PACRG: variants seen among roughly 807,000 people sequenced by gnomAD.
The protein encoded by PACRG is parkin coregulated gene protein.
PACRG carries 29 observed loss-of-function variants against 29.7 expected under a neutral mutation model. That is an observed-to-expected ratio of 0.98 (90% confidence interval 0.73 to 1.33). PACRG has a LOEUF of 1.33. Ranked by LOEUF, PACRG falls within the 40% of genes most tolerant of loss-of-function variation. PACRG has a pLI of 0.00. For missense variants in PACRG, 279 were observed against 316.2 expected, an observed-to-expected ratio of 0.88 and a Z score of 0.89; for synonymous variants, 116 against 118.7, an observed-to-expected ratio of 0.98 and a Z score of 0.15.
intron 2 of PACRG, among the ~76,000 whole-genome samples, chr6:163,000,490 A>T (rs1207719549): frequency 6.6e-6 from 1 of 152,020 alleles, no homozygotes; most frequent in African/African-American, 2.4e-5. Context: ...AACAGAAGAG[A>T]GTGTGGTGGC....
rs114465349 is a variant in PACRG, at chr6:162,864,622, C to T, written c.291+50341C>T. ...CCTTTTGTTCTAGCCCTTGCTTTCACGTTTAAATGAACTCTCAGTGTTGTA... is the reference window on the plus strand; with the variant it reads ...CCTTTTGTTCTAGCCCTTGCTTTCATGTTTAAATGAACTCTCAGTGTTGTA... On this transcript the variant is annotated intron_variant, in intron 2 of 4. Coordinates refer to ENST00000366888, the MANE Select transcript of PACRG (RefSeq NM_001080379.2). Among the ~76,000 whole-genome samples the T allele has an allele frequency of 9.0e-3, 1,368 of 152,252 alleles. 21 individuals are homozygous for T. Among genetic ancestry groups the T allele is most frequent in the African/African-American group, 0.031 (1,299 of 41,556 alleles).
intron 4 of PACRG, among the ~76,000 whole-genome samples, chr6:163,164,883 G>A (rs1287797468): frequency 6.6e-6 from 1 of 152,216 alleles, no homozygotes; most frequent in Non-Finnish European, 1.5e-5. Flanking sequence ...CAGAGCTCCT[G>A]TGGTGATTTG....
At chr6:162,740,211 A>G (rs1035881289) in intron 1 of PACRG, among the ~76,000 whole-genome samples, 4 of 152,084 alleles carry the variant, frequency 2.6e-5, no homozygotes, top group African/African-American at 4.8e-5. Flanking sequence ...CTTTCTTACT[A>G]TCTATAGGAA....
intron 1 of PACRG, among the ~76,000 whole-genome samples, chr6:162,747,724 G>A (rs889065210): frequency 6.6e-5 from 10 of 151,632 alleles, no homozygotes; most frequent in African/African-American, 9.7e-5. Flanking sequence ...AGAGGAGACA[G>A]TTTAAGGTGA....
At chr6:162,975,047 G>T (rs776579872) in intron 2 of PACRG, among the ~76,000 whole-genome samples, 123 of 152,284 alleles carry the variant, frequency 8.1e-4, no homozygotes, top group Non-Finnish European at 1.4e-3. Context: ...TGGAAAATAT[G>T]TGAATGTGGA....
At chr6:163,269,955 GAAAGAAAGAAAGAA>G (rs1562350214) in intron 4 of PACRG, among the ~76,000 whole-genome samples, 1 of 49,286 alleles carries the variant, frequency 2.0e-5, no homozygotes. Context: ...AAGAAAGAAA[GAAAGAAAGAAAGAA>G]AGAAAGAAAG....
intron 2 of PACRG, among the ~76,000 whole-genome samples, chr6:162,890,667 T>G (rs1308270916): frequency 1.3e-5 from 2 of 152,198 alleles, no homozygotes; most frequent in African/African-American, 4.8e-5. Context: ...GACCCCGCAC[T>G]GTACCTGATT....
intron 4 of PACRG, among the ~76,000 whole-genome samples, chr6:163,139,914 T>A (rs923502532): frequency 6.6e-6 from 1 of 152,184 alleles, no homozygotes; most frequent in Non-Finnish European, 1.5e-5. Flanking sequence ...CCCCTTTGTG[T>A]CTTTATTCTT....
chr6:163,052,210 G>T (rs1050641026), intron 2 of PACRG, among the ~76,000 whole-genome samples: 2 of 152,084 alleles, frequency 1.3e-5, no homozygotes, highest in African/African-American at 4.8e-5. Flanking sequence ...TGCCTCAAGG[G>T]TTGAGAAACA....
chr6:163,269,837 A>G (rs13196331), intron 4 of PACRG, among the ~76,000 whole-genome samples: 1,436 of 34,752 alleles, frequency 0.041, 271 homozygotes, highest in Admixed American at 0.055. Flanking sequence ...GAAAGAAAGA[A>G]AAAGAAAGAA....
At chr6:163,262,879 T>A (rs1194577407) in intron 4 of PACRG, among the ~76,000 whole-genome samples, 1 of 127,518 alleles carries the variant, frequency 7.8e-6, no homozygotes, top group Non-Finnish European at 1.7e-5. Flanking sequence ...CCCCCCCCCA[T>A]GTCAACTAAA....
At chr6:163,069,577 T>C (rs1395778968) in intron 3 of PACRG, among the ~76,000 whole-genome samples, 1 of 152,076 alleles carries the variant, frequency 6.6e-6, no homozygotes, top group African/African-American at 2.4e-5. Context: ...ATTACTGAGC[T>C]TGAAGACAAG....
chr6:162,958,880 TATATAGAGAGAGAGAGAGAGAGAGAG>T (rs1289848907), intron 2 of PACRG, among the ~76,000 whole-genome samples: 40 of 16,508 alleles, frequency 2.4e-3, no homozygotes, highest in South Asian at 6.0e-3. Context: ...TATATATATA[TATATAGAGAGAGAGAGAGAGAGAGAG>T]AGAGAGAGAG....
intron 4 of PACRG, among the ~76,000 whole-genome samples, chr6:163,107,505 G>A (rs1485855506): frequency 2.0e-5 from 3 of 152,124 alleles, no homozygotes; most frequent in East Asian, 1.9e-4. Context: ...GTCACACGGC[G>A]CACACTGCAT....
At chr6:163,106,540 A>C (rs1815391446) in intron 4 of PACRG, among the ~76,000 whole-genome samples, 1 of 136,532 alleles carries the variant, frequency 7.3e-6, no homozygotes, top group Non-Finnish European at 1.6e-5. Context: ...TTTATGTAAT[A>C]GTATGACATT....
At chr6:162,995,059 C>G in intron 2 of PACRG, among the ~76,000 whole-genome samples, 1 of 151,436 alleles carries the variant, frequency 6.6e-6, no homozygotes, top group Admixed American at 6.6e-5. Context: ...GCTCAGGGGT[C>G]AGGGGTCAGG....
chr6:163,203,436 A>C (rs1780785430), intron 4 of PACRG, among the ~76,000 whole-genome samples: 2 of 152,136 alleles, frequency 1.3e-5, no homozygotes, highest in South Asian at 4.1e-4. Context: ...AAACAAAAAA[A>C]CCCACCAAAC....
At chr6:162,849,106 C>T (rs1028117932) in intron 2 of PACRG, among the ~76,000 whole-genome samples, 13 of 151,898 alleles carry the variant, frequency 8.6e-5, no homozygotes, top group East Asian at 1.9e-4. Flanking sequence ...CAGTGTTTAC[C>T]GTAACACGAA....
intron 2 of PACRG, among the ~76,000 whole-genome samples, chr6:162,879,318 A>G (rs1036156032): frequency 6.6e-6 from 1 of 152,244 alleles, no homozygotes; most frequent in Non-Finnish European, 1.5e-5. Context: ...ACACAGTAAA[A>G]CTATCCATGT....
Sources: gnomAD v4.1 joint callset for allele counts (sites outside exome capture counted in the v4.1 genomes callset) on GRCh38, gnomAD v4.1.1 for gene constraint, MANE v1.5 for transcripts, NCBI Gene and HGNC (gene_info 2026-07-23, HGNC 2026-07-21) for gene names.